WDFY1: variants seen among roughly 807,000 people sequenced by gnomAD.
WDFY1 encodes WD repeat and FYVE domain-containing protein 1.
A neutral mutation model predicts 56.4 loss-of-function variants in WDFY1; 32 were observed. That is an observed-to-expected ratio of 0.57 (90% CI 0.43 to 0.76). The LOEUF is 0.76. Among genes scored for constraint, WDFY1 ranks in the 30% least tolerant of loss-of-function variants. The probability of loss-of-function intolerance (pLI) is 0.00; values close to 1 mark genes in which losing one functional copy is unlikely to be tolerated. For synonymous variants in WDFY1, 192 were observed against 197.3 expected, an observed-to-expected ratio of 0.97 and a Z score of 0.23; for missense variants, 480 against 545.7, an observed-to-expected ratio of 0.88 and a Z score of 1.20.
intron 1 of WDFY1, among the ~76,000 whole-genome samples, chr2:223,920,926 G>C (rs936773176): frequency 3.3e-5 from 5 of 152,164 alleles, no homozygotes; most frequent in African/African-American, 1.2e-4. Context: ...CAGTGGGCCT[G>C]GTTACCTTCC....
chr2:223,937,308 CT>C (rs1689203960), intron 1 of WDFY1, among the ~76,000 whole-genome samples: 1 of 152,120 alleles, frequency 6.6e-6, no homozygotes, highest in African/African-American at 2.4e-5. Context: ...ACATATTACT[CT>C]TTCGTAAGAT....
At chr2:223,901,652 CAA>C (rs920787162) in intron 4 of WDFY1, among the ~76,000 whole-genome samples, 11 of 148,830 alleles carry the variant, frequency 7.4e-5, no homozygotes, top group African/African-American at 2.7e-4. Context: ...TTGCTATGCT[CAA>C]GAGAACATTT....
intron 7 of WDFY1, chr2:223,894,546 T>G: frequency 1.8e-6 from 1 of 555,364 alleles, no homozygotes; most frequent in Non-Finnish European, 3.2e-6. Context: ...ATAAAATATA[T>G]GACTACTTTC....
intron 6 of WDFY1, among the ~76,000 whole-genome samples, chr2:223,896,042 G>A (rs1377047691): frequency 6.6e-6 from 1 of 150,956 alleles, no homozygotes; most frequent in Admixed American, 6.6e-5. Flanking sequence ...TGTAATCCCA[G>A]CTACTCGGGA....
At chr2:223,905,387 G>A (rs1018526396) in intron 4 of WDFY1, among the ~76,000 whole-genome samples, 2 of 152,162 alleles carry the variant, frequency 1.3e-5, no homozygotes, top group African/African-American at 2.4e-5. Flanking sequence ...CAGGTGTGGT[G>A]GTTCACACCT....
At chr2:223,943,922 G>A (rs1346555449) in intron 1 of WDFY1, among the ~76,000 whole-genome samples, 1 of 152,188 alleles carries the variant, frequency 6.6e-6, no homozygotes, top group South Asian at 2.1e-4. Context: ...AAGCATGGTG[G>A]GCGTCCAATG....
At chr2:223,907,810 C>T (rs1693623401) in intron 3 of WDFY1, among the ~76,000 whole-genome samples, 1 of 152,092 alleles carries the variant, frequency 6.6e-6, no homozygotes, top group East Asian at 1.9e-4. Flanking sequence ...GTCCCTTCCA[C>T]TGGATCTTTC....
chr2:223,879,338 G>A (rs1388130426), intron 11 of WDFY1, among the ~76,000 whole-genome samples: 1 of 151,946 alleles, frequency 6.6e-6, no homozygotes, highest in African/African-American at 2.4e-5. Flanking sequence ...CAGGAATATA[G>A]AATATCTCAG....
At chr2:223,893,383 A>C (rs1422211298) in intron 8 of WDFY1, among the ~76,000 whole-genome samples, 1 of 151,958 alleles carries the variant, frequency 6.6e-6, no homozygotes, top group Non-Finnish European at 1.5e-5. Flanking sequence ...TTGAAAAATA[A>C]GCTGTGCATG....
intron 1 of WDFY1, among the ~76,000 whole-genome samples, chr2:223,926,793 G>T (rs896197632): frequency 6.6e-6 from 1 of 152,072 alleles, no homozygotes; most frequent in East Asian, 1.9e-4. Context: ...TCAGCCTCCT[G>T]AGCAGCTGGA....
At chr2:223,896,714 A>G (rs1693387594) in intron 6 of WDFY1, among the ~76,000 whole-genome samples, 1 of 152,256 alleles carries the variant, frequency 6.6e-6, no homozygotes, top group Admixed American at 6.5e-5. Flanking sequence ...ATTCAAAAGC[A>G]AACAGAAACT....
intron 1 of WDFY1, among the ~76,000 whole-genome samples, chr2:223,939,312 C>T (rs911163393): frequency 2.0e-5 from 3 of 152,182 alleles, no homozygotes; most frequent in Non-Finnish European, 4.4e-5. Context: ...CAGATAAGTA[C>T]ATGAAGCCCG....
chr2:223,943,535 C>T (rs1412868573), intron 1 of WDFY1, among the ~76,000 whole-genome samples: 3 of 152,182 alleles, frequency 2.0e-5, no homozygotes, highest in African/African-American at 7.2e-5. Context: ...CTAGAGACCA[C>T]GCCTTCAGCT....
intron 3 of WDFY1, among the ~76,000 whole-genome samples, chr2:223,911,047 A>G (rs644782): frequency 0.86 from 131,599 of 152,258 alleles, 57,349 homozygotes; most frequent in Non-Finnish European, 0.93. Context: ...GATCAACCAA[A>G]TGCAGTATAG....
At chr2:223,895,699 C>T (rs545975718) in intron 6 of WDFY1, 69 bp from the exon 7 acceptor site, 21 of 1,573,820 alleles carry the variant, frequency 1.3e-5, no homozygotes, top group Non-Finnish European at 1.7e-5. Context: ...TACATCAGGA[C>T]GTATACATTT....
intron 1 of WDFY1, among the ~76,000 whole-genome samples, chr2:223,934,207 G>C (rs1694130827): frequency 6.6e-6 from 1 of 150,400 alleles, no homozygotes; most frequent in South Asian, 2.1e-4. Context: ...TCCTGCCTTA[G>C]CCTACCGAGT....
intron 4 of WDFY1, among the ~76,000 whole-genome samples, chr2:223,903,643 T>G (rs57786469): frequency 5.4e-5 from 1 of 18,582 alleles, no homozygotes; most frequent in Non-Finnish European, 1.9e-4. Flanking sequence ...ACACACACGT[T>G]TTTTGTTTTT....
intron 1 of WDFY1, among the ~76,000 whole-genome samples, chr2:223,923,017 T>C (rs1450525028): frequency 6.6e-6 from 1 of 152,174 alleles, no homozygotes; most frequent in African/African-American, 2.4e-5. Context: ...CACGATCTCT[T>C]AGGCTTTTTG....
chr2:223,909,893 A>C (rs1468967431), intron 3 of WDFY1, among the ~76,000 whole-genome samples: 3 of 152,188 alleles, frequency 2.0e-5, no homozygotes, highest in African/African-American at 7.2e-5. Context: ...TCTTCGAAAA[A>C]TGTAAATTAC....
Sources: gnomAD v4.1 joint callset for allele counts (sites outside exome capture counted in the v4.1 genomes callset) on GRCh38, gnomAD v4.1.1 for gene constraint, MANE v1.5 for transcripts, NCBI Gene and HGNC (gene_info 2026-07-23, HGNC 2026-07-21) for gene names.